The following CSPG5 variants were observed in gnomAD, a reference collection of about 807,000 sequenced individuals.
CSPG5 encodes chondroitin sulfate proteoglycan 5, also known as acidic leucine-rich EGF-like domain-containing brain protein.
A neutral mutation model predicts 39.8 loss-of-function variants in CSPG5; 25 were observed. The observed-to-expected ratio is 0.63, with a 90% CI of 0.46 to 0.88. The LOEUF (loss-of-function observed/expected upper bound fraction) is 0.88, where lower values mean the gene tolerates loss of function less well. Ranked by LOEUF, CSPG5 falls within the 40% of genes least tolerant of loss-of-function variation. The probability of loss-of-function intolerance (pLI) is 0.00; values close to 1 mark genes in which losing one functional copy is unlikely to be tolerated. For missense variants in CSPG5, 627 were observed against 702.2 expected (o/e 0.89, Z 1.21); for synonymous variants, 295 against 303.9 (o/e 0.97, Z 0.31).
intron 4 of CSPG5, among the ~76,000 whole-genome samples, chr3:47,564,788 T>C (rs753410934): frequency 1.3e-5 from 2 of 151,968 alleles, no homozygotes; most frequent in Admixed American, 6.6e-5. Context: ...TGTGTGTGTA[T>C]ATATATATAC....
Position 47,570,633 on chromosome 3 carries a change from G to A in CSPG5, c.1383-1406C>T, listed in dbSNP as rs553464265. On this transcript the variant is annotated intron_variant, in intron 3 of 4. Transcript: ENST00000264723. ...CAAGCATTATCTGGCTCAGCCTCCCGAGTAGCTGGGATTACAGGTGGCTGC... is the reference window on the plus strand; with the variant it reads ...CAAGCATTATCTGGCTCAGCCTCCCAAGTAGCTGGGATTACAGGTGGCTGC... Among the ~76,000 whole-genome samples, 11 of 151,544 alleles carry A rather than the reference G, an allele frequency of 7.3e-5. No individual in the cohort carries two copies. In the South Asian group the frequency reaches 1.5e-3, roughly 20 times the overall value.
At chr3:47,566,742 T>C (rs905714025) in intron 4 of CSPG5, among the ~76,000 whole-genome samples, 9 of 152,056 alleles carry the variant, frequency 5.9e-5, no homozygotes, top group Non-Finnish European at 1.2e-4. Context: ...CAGAGCCAGA[T>C]CTTGCTGCTT....
intron 4 of CSPG5, among the ~76,000 whole-genome samples, chr3:47,565,488 T>A (rs936815671): frequency 1.3e-5 from 2 of 152,100 alleles, no homozygotes; most frequent in African/African-American, 4.8e-5. Context: ...ACATCTGGCA[T>A]AAGTTCCTAG....
Position 47,572,805 on chromosome 3 carries a change from C to T in CSPG5, c.1263G>A (p.Val421=). Residue 421 remains valine, a synonymous_variant, in exon 3 of 5, where the codon GTG becomes GTA. Transcript: ENST00000264723. This position sits in a 1 kb window ranked among gnomAD's most constrained non-coding sequence, Gnocchi z 4.5. The part of the protein sequence containing the change: ...RCESIITDFQ[V]MCVAVGSAAL... ...CAGCCGAGCCCACGGCCACGCACATCACCTGGAAGTCGGTGATGATGGACT... is the reference window on the plus strand; with the variant it reads ...CAGCCGAGCCCACGGCCACGCACATTACCTGGAAGTCGGTGATGATGGACT... The T allele has an allele frequency of 6.2e-7, 1 of 1,614,116 alleles. No homozygotes were observed. Among genetic ancestry groups the T allele is most frequent in the Non-Finnish European group, 8.5e-7 (1 of 1,179,962 alleles).
rs2031836911 is a variant in CSPG5 at position 47,577,983 on chromosome 3, G to A, written c.98-55C>T. 5.8e-6 allele frequency: 8 copies of A among 1,369,234 alleles called. No individual in the cohort carries two copies. The highest frequency in any genetic ancestry group is 7.5e-6 in the Non-Finnish European group (8 of 1,070,394). 84.8% of individuals were successfully genotyped at this position (1,369,234 alleles called of 1,614,324 possible). A position where few individuals can be genotyped will look rare whatever the true frequency, so the allele number is the denominator to read the frequency against. On this transcript the variant is annotated intron_variant, in intron 1 of 4. Coordinates refer to ENST00000264723, the MANE Select transcript of CSPG5 (RefSeq NM_006574.4). The surrounding 1 kb of genome is among the most constrained non-coding windows in gnomAD (Gnocchi z 4.7). ...TCAGGGCGGCGCGCTGAGGAGCCCT[G>A]GAGCCCCGGCCCGCCCCGGTCAGGC...
chr3:47,566,387 C>A (rs1445335104), intron 4 of CSPG5, among the ~76,000 whole-genome samples: 2 of 152,162 alleles, frequency 1.3e-5, no homozygotes, highest in African/African-American at 2.4e-5. Flanking sequence ...GCACCCCTTG[C>A]AGGCAGTGAG....
intron 4 of CSPG5, among the ~76,000 whole-genome samples, chr3:47,565,030 A>C (rs1029695231): frequency 6.6e-6 from 1 of 152,150 alleles, no homozygotes; most frequent in Non-Finnish European, 1.5e-5. Flanking sequence ...ATGTCTTTCA[A>C]GATAACCTCC....
At chr3:47,566,526 T>G (rs1418394003) in intron 4 of CSPG5, among the ~76,000 whole-genome samples, 2 of 152,176 alleles carry the variant, frequency 1.3e-5, no homozygotes, top group African/African-American at 2.4e-5. Flanking sequence ...GAATTAGAGA[T>G]GAAGGTAGAA....
At chr3:47,566,270 G>T (rs1170876372) in intron 4 of CSPG5, among the ~76,000 whole-genome samples, 1 of 151,884 alleles carries the variant, frequency 6.6e-6, no homozygotes, top group African/African-American at 2.4e-5. Context: ...GAGTTTGGGG[G>T]TGGGGAGAGA....
rs1455801187 is a variant in CSPG5, at chr3:47,578,514, T to C, written c.97+83A>G. 5.1e-5 allele frequency: 20 copies of C among 393,238 alleles called. No homozygotes were observed. Among genetic ancestry groups the C allele is most frequent in the Non-Finnish European group, 7.8e-5 (20 of 257,516 alleles). The allele number at this position is 393,238 out of a possible 1,614,324, so 24.4% of individuals were successfully genotyped here. The stretch of plus-strand genomic sequence containing the variant: ...CCGCCCCCTTGCCACAGCTCACAGC[T>C]CCACCTGTCCCCGCCGCCAGCGGGA... On this transcript the variant is annotated intron_variant, in intron 1 of 4. Transcript: ENST00000264723. The surrounding 1 kb of genome is among the most constrained non-coding windows in gnomAD (Gnocchi z 6.0).
intron 4 of CSPG5, 38 bp downstream of exon 4, chr3:47,569,114 G>C (rs1440439692): frequency 3.8e-6 from 6 of 1,591,378 alleles, no homozygotes; most frequent in East Asian, 2.3e-5. Context: ...ACGGGCATGG[G>C]GGGAGGAGGT....
chr3:47,565,622 C>G (rs996493827), intron 4 of CSPG5, among the ~76,000 whole-genome samples: 3 of 149,212 alleles, frequency 2.0e-5, no homozygotes, highest in African/African-American at 7.5e-5. Flanking sequence ...GGTGGGCAGT[C>G]AGTGCTTTAA....
In CSPG5 at chr3:47,569,330, G is replaced by A. The variant is rs549676583; in HGVS notation, c.1383-103C>T. ...ATCAAATACTGTATTTCGGCTGGGC[G>A]TGGTGGCTCGCGCCTGTAATCCTAG... is the stretch of plus-strand genomic sequence containing the variant. On this transcript the variant is annotated intron_variant, in intron 3 of 4. Transcript: ENST00000264723. The A allele has an allele frequency of 5.7e-6, 7 of 1,219,364 alleles. No homozygotes were observed. In the East Asian group the frequency reaches 1.0e-4, roughly 17 times the overall value. 75.5% of individuals were successfully genotyped at this position (1,219,364 alleles called of 1,614,324 possible).
At chr3:47,568,963 G>T in intron 4 of CSPG5, 189 bp downstream of exon 4, 1 of 1,060,952 alleles carries the variant, frequency 9.4e-7, no homozygotes. Flanking sequence ...AGTTGCCCTA[G>T]GCTGACCTCC....
In CSPG5 at chr3:47,578,123, G is replaced by C; in HGVS notation, c.98-195C>G. ...CCGTCCCGGAGTCTGCCCCCAAGAC[G>C]AGGATCACACCCCGCCCAACGCCTC... is the stretch of plus-strand genomic sequence containing the variant. On this transcript the variant is annotated intron_variant, in intron 1 of 4. Coordinates refer to ENST00000264723, the MANE Select transcript of CSPG5 (RefSeq NM_006574.4). This position sits in a 1 kb window ranked among gnomAD's most constrained non-coding sequence, Gnocchi z 6.0. The C allele has an allele frequency of 1.2e-6, 1 of 848,968 alleles. No homozygotes were observed. The highest frequency in any genetic ancestry group is 3.9e-4 in the Middle Eastern group (1 of 2,586). 52.6% of individuals were successfully genotyped at this position (848,968 alleles called of 1,614,324 possible).
Position 47,572,783 on chromosome 3 carries a change from CCGA to C in CSPG5, c.1282_1284del (p.Ser428del). The C allele has an allele frequency of 6.2e-7, 1 of 1,614,176 alleles. No homozygotes were observed. Among genetic ancestry groups the C allele is most frequent in the Non-Finnish European group, 8.5e-7 (1 of 1,180,024 alleles). ...AAGAGCAGGAGCAGGACGAGGGCAG[CCGA>C]GCCCACGGCCACGCACATCACCTGG... On this transcript the variant is annotated inframe_deletion, in exon 3 of 5. Transcript: ENST00000264723. This position sits in a 1 kb window ranked among gnomAD's most constrained non-coding sequence, Gnocchi z 4.5.
chr3:47,576,762 G>C, intron 2 of CSPG5, 71 bp downstream of exon 2: 1 of 1,487,012 alleles, frequency 6.7e-7, no homozygotes, highest in Non-Finnish European at 9.0e-7. Flanking sequence ...GCCCGGCTAC[G>C]CTGCCCTCTG....
chr3:47,567,267 G>T (rs962747886), intron 4 of CSPG5, among the ~76,000 whole-genome samples: 15 of 152,254 alleles, frequency 9.9e-5, no homozygotes, highest in Middle Eastern at 3.4e-3. Flanking sequence ...GCTGCCATCT[G>T]CAGGATGGCA....
rs765934635 is a variant in CSPG5 at position 47,576,927 on chromosome 3, T to G, written c.1099A>C (p.Asn367His). 6.2e-7 allele frequency: 1 copy of G among 1,612,622 alleles called. No individual in the cohort carries two copies. The highest frequency in any genetic ancestry group is 8.5e-7 in the Non-Finnish European group (1 of 1,179,042). The change falls in exon 2 of 5, where the codon AAC (asparagine) becomes CAC (histidine). Residue 367 changes from asparagine to histidine, a missense_variant. Transcript: ENST00000264723. ...TECRSGFVRH[N>H]GSCRSVCDLF... ...TCGCACACTGACCGGCAGGAGCCGT[T>G]ATGCCGCACAAAGCCACTGCGGCAC...
Sources: allele counts gnomAD v4.1 joint callset (sites outside exome capture counted in the v4.1 genomes callset), GRCh38; gene constraint gnomAD v4.1.1; non-coding constraint Gnocchi (gnomAD v3.1); transcripts MANE v1.5; gene names NCBI Gene and HGNC (gene_info 2026-07-23, HGNC 2026-07-21).